Variants in CFAP99 observed in about 807,000 individuals in gnomAD.
CFAP99 encodes the protein cilia- and flagella-associated protein 99.
A neutral mutation model predicts 82.7 loss-of-function variants in CFAP99; 84 were observed. That is an observed-to-expected ratio of 1.02 (90% CI 0.85 to 1.22). The LOEUF (loss-of-function observed/expected upper bound fraction) is 1.22. Among genes scored for constraint, CFAP99 ranks in the 50% most tolerant of loss-of-function variants. The pLI, the probability that CFAP99 is intolerant of heterozygous loss-of-function variation, is 0.00. For synonymous variants in CFAP99, 456 were observed against 429.5 expected (o/e 1.06, Z -0.76); for missense variants, 1,059 against 983.5 (o/e 1.08, Z -1.03).
intron 1 of CFAP99, among the ~76,000 whole-genome samples, chr4:2,420,592 A>C (rs986238447): frequency 6.6e-6 from 1 of 152,118 alleles, no homozygotes. Flanking sequence ...TATAGTTTGA[A>C]ATTGTGCATG....
At chr4:2,451,407 A>G (rs1734298846) in intron 10 of CFAP99, 55 bp downstream of exon 10, 1 of 1,511,348 alleles carries the variant, frequency 6.6e-7, no homozygotes, top group Non-Finnish European at 8.9e-7. Flanking sequence ...CTTGAGAGGA[A>G]AGGCTCAGAG....
At position 2,443,075 on chromosome 4, in the gene CFAP99, C is replaced by T. The variant is rs1401384036; in HGVS notation, c.352-55C>T. 2.4e-5 allele frequency: 25 copies of T among 1,026,406 alleles called. 1 individual carries two copies. Among genetic ancestry groups the T allele is most frequent in the South Asian group, 2.2e-4 (16 of 72,386 alleles). The allele number at this position is 1,026,406 out of a possible 1,614,324, so 63.6% of individuals were successfully genotyped here. A position where few individuals can be genotyped will look rare whatever the true frequency, so the allele number is the denominator to read the frequency against. ...CACTGGGGGTGCTGGGGACTTTGCC[C>T]GGTGAGGGGTTGGGCCCAGGGCTCC... On this transcript the variant is annotated intron_variant, in intron 4 of 14. Transcript: ENST00000635017.
At chr4:2,438,140 C>T in exon 4 of CFAP99, 1 of 1,535,560 alleles carries the variant, frequency 6.5e-7, no homozygotes, top group Non-Finnish European at 8.7e-7. Context: ...TCATCAAGTC[C>T]CAGCCCGTGG....
intron 4 of CFAP99, among the ~76,000 whole-genome samples, chr4:2,442,711 C>T (rs911666102): frequency 6.6e-6 from 1 of 152,172 alleles, no homozygotes; most frequent in Non-Finnish European, 1.5e-5. Context: ...GAGGATGTGC[C>T]GCCAGCTTCT....
chr4:2,458,671 C>T, intron 11 of CFAP99, 52 bp from the exon 12 acceptor site: 1 of 1,502,026 alleles, frequency 6.7e-7, no homozygotes, highest in Non-Finnish European at 8.9e-7. Flanking sequence ...CGGGACCAGG[C>T]AGGGAAGCCG....
In CFAP99 at chr4:2,462,858, C is replaced by A; in HGVS notation, c.2077C>A (p.Arg693Ser). The A allele has an allele frequency of 7.2e-7, 1 of 1,393,240 alleles. No homozygotes were observed. 86.3% of individuals were successfully genotyped at this position (1,393,240 alleles called of 1,614,324 possible). The change falls in exon 15 of 15, where the codon CGC (arginine) becomes AGC (serine). Residue 693 changes from arginine (R) to serine (S), a missense_variant. By Grantham distance (110) the Arg-to-Ser change is moderately radical (BLOSUM62 -1). Transcript: ENST00000635017. This position sits in a 1 kb window ranked among gnomAD's most constrained non-coding sequence, Gnocchi z 4.1. ...GCTGGAGCTGGAGCGGAGCCGCGAGCGCAGGCTGCAGGCGCTGCAGCAGGG... is the reference window on the plus strand; with the variant it reads ...GCTGGAGCTGGAGCGGAGCCGCGAGAGCAGGCTGCAGGCGCTGCAGCAGGG...
intron 13 of CFAP99, 48 bp from the exon 14 acceptor site, chr4:2,459,989 G>A (rs541565806): frequency 9.0e-5 from 136 of 1,512,296 alleles, no homozygotes; most frequent in South Asian, 1.2e-4. Flanking sequence ...GGGAAGCATC[G>A]GGGCCCAGCA....
chr4:2,428,971 C>A (rs141644515), intron 2 of CFAP99: 5 of 152,384 alleles, frequency 3.3e-5, no homozygotes, highest in Admixed American at 3.3e-4. Flanking sequence ...AGCCGGCAGC[C>A]GCTCCGTCTC....
chr4:2,454,599 T>C, intron 11 of CFAP99, among the ~76,000 whole-genome samples: 1 of 150,764 alleles, frequency 6.6e-6, no homozygotes, highest in African/African-American at 2.4e-5. Context: ...TTTTTGTTTT[T>C]TTTTTTTTTT....
chr4:2,445,211 C>A, exon 6 of CFAP99: 1 of 1,463,936 alleles, frequency 6.8e-7, no homozygotes, highest in Non-Finnish European at 9.0e-7. Context: ...AAGACCAAGG[C>A]CAAGGTCACA....
rs1578476223 is a variant in CFAP99 at position 2,446,811 on chromosome 4, G to A, written c.642+1503G>A. Among the ~76,000 whole-genome samples, 1 of 136,408 alleles carries A rather than the reference G, an allele frequency of 7.3e-6. No homozygotes were observed. Among genetic ancestry groups the A allele is most frequent in the African/African-American group, 2.5e-5 (1 of 39,408 alleles). 89.5% of individuals were successfully genotyped at this position (136,408 alleles called of 152,430 possible). On this transcript the variant is annotated intron_variant, in intron 6 of 14. Coordinates refer to ENST00000635017, the Ensembl canonical transcript of CFAP99. This position sits in a 1 kb window ranked among gnomAD's most constrained non-coding sequence, Gnocchi z 5.0. The stretch of plus-strand genomic sequence containing the variant: ...TCAGATGGATGGTAGATGGATGGGT[G>A]GATGAATGGATGGATGGATGGATGG...
In CFAP99 at chr4:2,443,172, A is replaced by T; in HGVS notation, c.394A>T (p.Ile132Phe). 3 of 1,535,720 alleles carry T rather than the reference A, an allele frequency of 2.0e-6. No homozygotes were observed. In the South Asian group the frequency reaches 3.6e-5, roughly 18 times the overall value. The stretch of plus-strand genomic sequence containing the variant: ...CAACCCCCTGCACCTGTGCTCATGG[A>T]TCAAGGATGAGTGGAGCCTCATCTA... The change falls in exon 5 of 15, where the codon ATC becomes TTC. Residue 132 changes from isoleucine (I) to phenylalanine (F), a missense_variant. Transcript: ENST00000635017.
At position 2,449,039 on chromosome 4, in the gene CFAP99, G is replaced by A. The variant is rs907099699; in HGVS notation, c.643-631G>A. ...GAAGATGAGGGTTTGAGGTTTGGAC[G>A]AGTTGATTTTCCATGACTGTTAGAT... On this transcript the variant is annotated intron_variant, in intron 6 of 14. Coordinates refer to ENST00000635017, the Ensembl canonical transcript of CFAP99. Among the ~76,000 whole-genome samples the A allele has an allele frequency of 2.0e-4, 31 of 152,244 alleles. 1 individual carries two copies. The highest frequency in any genetic ancestry group is 3.4e-3 in the Middle Eastern group (1 of 294).
chr4:2,432,415 C>T (rs1223720030), intron 2 of CFAP99, among the ~76,000 whole-genome samples: 1 of 152,202 alleles, frequency 6.6e-6, no homozygotes, highest in Non-Finnish European at 1.5e-5. Context: ...CCCAACAGGA[C>T]GGCATTCTTT....
At chr4:2,442,373 C>T (rs866259179) in intron 4 of CFAP99, among the ~76,000 whole-genome samples, 26 of 152,040 alleles carry the variant, frequency 1.7e-4, no homozygotes, top group African/African-American at 4.6e-4. Flanking sequence ...GAAGCAGCTG[C>T]GGAAGGCTCT....
intron 14 of CFAP99, among the ~76,000 whole-genome samples, chr4:2,460,554 C>T (rs1170243316): frequency 6.6e-6 from 1 of 152,178 alleles, no homozygotes; most frequent in Non-Finnish European, 1.5e-5. Flanking sequence ...TCTGCAGAAG[C>T]ATTAGGAAGT....
At chr4:2,422,793 T>A (rs1733610857) in intron 1 of CFAP99, among the ~76,000 whole-genome samples, 1 of 152,174 alleles carries the variant, frequency 6.6e-6, no homozygotes, top group African/African-American at 2.4e-5. Context: ...TTAACATTGT[T>A]TCTCTAGAAG....
exon 12 of CFAP99, chr4:2,458,802 T>C: frequency 1.3e-6 from 2 of 1,535,752 alleles, no homozygotes; most frequent in South Asian, 2.4e-5. Flanking sequence ...GAGCAGGTGA[T>C]AGAGGGGCAG....
In CFAP99 at chr4:2,462,600, C is replaced by T. The variant is rs1341995617; in HGVS notation, c.1819C>T (p.Pro607Ser). 2.1e-6 allele frequency: 3 copies of T among 1,413,414 alleles called. No individual in the cohort carries two copies. Among genetic ancestry groups the T allele is most frequent in the South Asian group, 1.5e-5 (1 of 68,062 alleles). 87.6% of individuals were successfully genotyped at this position (1,413,414 alleles called of 1,614,324 possible). Residue 607 changes from proline to serine, a missense_variant, in exon 15 of 15, where the codon CCC becomes TCC. Coordinates refer to ENST00000635017, the Ensembl canonical transcript of CFAP99. This position sits in a 1 kb window ranked among gnomAD's most constrained non-coding sequence, Gnocchi z 4.1. Reference sequence around the variant, plus strand: ...GGCGCCGCGGACCGCGCGCCCCAAGCCCCGGGTGAGTCCGGATTGGTGGGA... The same window carrying T: ...GGCGCCGCGGACCGCGCGCCCCAAGTCCCGGGTGAGTCCGGATTGGTGGGA...
Sources: gnomAD v4.1 joint callset for allele counts (sites outside exome capture counted in the v4.1 genomes callset) on GRCh38, gnomAD v4.1.1 for gene constraint, Gnocchi (gnomAD v3.1) non-coding constraint, MANE v1.5 for transcripts, NCBI Gene and HGNC (gene_info 2026-07-23, HGNC 2026-07-21) for gene names.